Variants in FAM114A2 observed in about 807,000 individuals in gnomAD.
FAM114A2 encodes the protein family with sequence similarity 114 member A2, also known as protein FAM114A2.
Under a neutral mutation model 58.4 loss-of-function variants are expected in FAM114A2, and 53 were observed. The observed-to-expected ratio is 0.91, with a 90% CI of 0.73 to 1.14. FAM114A2 has a LOEUF of 1.14. Among genes scored for constraint, FAM114A2 ranks in the 50% most tolerant of loss-of-function variants. The pLI, the probability that FAM114A2 is intolerant of heterozygous loss-of-function variation, is 0.00. For missense variants in FAM114A2, 601 were observed against 581.1 expected (o/e 1.03, Z -0.35); for synonymous variants, 228 against 211.4 (o/e 1.08, Z -0.68).
chr5:153,997,808 C>T lies in FAM114A2; in HGVS notation c.1324G>A (p.Ala442Thr). The T allele has an allele frequency of 6.4e-7, 1 of 1,560,794 alleles. No homozygotes were observed. The highest frequency in any genetic ancestry group is 8.8e-7 in the Non-Finnish European group (1 of 1,131,712). The change falls in exon 12 of 14, where the codon GCT becomes ACT. Residue 442 changes from alanine (A) to threonine (T), a missense_variant. Ala to Thr is a moderately conservative substitution (Grantham distance 58). Coordinates refer to ENST00000351797, the MANE Select transcript of FAM114A2 (RefSeq NM_018691.4). ...SKEFTTCLTTAGVKEMADVLN... is the reference protein window; with the variant it reads ...SKEFTTCLTTTGVKEMADVLN... ...TAAGAGGCATGGATTCTTACCCCAG[C>T]AGTTGTTAGGCAGGTAGTGAACTCT...
At chr5:154,021,936 C>T (rs1771447282) in intron 8 of FAM114A2, among the ~76,000 whole-genome samples, 1 of 152,208 alleles carries the variant, frequency 6.6e-6, no homozygotes, top group African/African-American at 2.4e-5. Flanking sequence ...GTACTGGTAC[C>T]AAACGGGAAA....
chr5:154,001,405 G>A (rs1769961714), intron 11 of FAM114A2, among the ~76,000 whole-genome samples: 1 of 152,174 alleles, frequency 6.6e-6, no homozygotes, highest in African/African-American at 2.4e-5. Flanking sequence ...CCAAGTAGCA[G>A]AAATAGCCTC....
At chr5:154,015,914 G>T (rs571377520) in intron 8 of FAM114A2, among the ~76,000 whole-genome samples, 1 of 152,060 alleles carries the variant, frequency 6.6e-6, no homozygotes, top group Non-Finnish European at 1.5e-5. Context: ...GACAGAGATA[G>T]CATAAATAAA....
At chr5:154,019,472 A>G (rs900384544) in intron 8 of FAM114A2, among the ~76,000 whole-genome samples, 65 of 152,222 alleles carry the variant, frequency 4.3e-4, no homozygotes, top group African/African-American at 1.5e-3. Flanking sequence ...GCAATCTACA[A>G]ATTCAACACT....
At chr5:153,996,783 G>A (rs1769587383) in intron 12 of FAM114A2, among the ~76,000 whole-genome samples, 1 of 151,934 alleles carries the variant, frequency 6.6e-6, no homozygotes, top group African/African-American at 2.4e-5. Context: ...GATCACCTAA[G>A]GTCGGGAGTT....
intron 8 of FAM114A2, among the ~76,000 whole-genome samples, chr5:154,017,852 A>T (rs1278880780): frequency 6.6e-6 from 1 of 152,238 alleles, no homozygotes; most frequent in Non-Finnish European, 1.5e-5. Flanking sequence ...TGAAATCAAG[A>T]TGGAAATTAA....
chr5:154,009,160 G>C (rs1293950607), intron 9 of FAM114A2, among the ~76,000 whole-genome samples: 3 of 152,144 alleles, frequency 2.0e-5, no homozygotes, highest in Non-Finnish European at 1.5e-5. Flanking sequence ...AATGAATCAT[G>C]CTTTCTCAAA....
intron 9 of FAM114A2, among the ~76,000 whole-genome samples, chr5:154,010,160 C>T (rs1289666013): frequency 1.3e-5 from 2 of 152,108 alleles, no homozygotes; most frequent in Non-Finnish European, 2.9e-5. Flanking sequence ...TATATGTATA[C>T]ATGTATTTAC....
rs34907432 is a variant in FAM114A2, at chr5:154,034,985, C to CAA, written c.-14-20_-14-19dup. The CAA allele has an allele frequency of 1.2e-4, 170 of 1,438,392 alleles. No individual in the cohort carries two copies. Among genetic ancestry groups the CAA allele is most frequent in the Middle Eastern group, 1.8e-4 (1 of 5,614 alleles). The allele number at this position is 1,438,392 out of a possible 1,614,324, so 89.1% of individuals were successfully genotyped here. A position where few individuals can be genotyped will look rare whatever the true frequency, so the allele number is the denominator to read the frequency against. ...AACATCAGCTGGTAAAATGAAAGCC[C>CAA]AAAAAAAATTTATATAGGCTTCTTT... On this transcript the variant is annotated intron_variant, in intron 1 of 13. Coordinates refer to ENST00000351797, the MANE Select transcript of FAM114A2 (RefSeq NM_018691.4).
At chr5:154,021,181 G>T (rs1196715170) in intron 8 of FAM114A2, among the ~76,000 whole-genome samples, 3 of 152,156 alleles carry the variant, frequency 2.0e-5, no homozygotes, top group Admixed American at 6.5e-5. Flanking sequence ...CAAACCCACA[G>T]CCAGTATCAT....
At chr5:154,030,440 A>G (rs1209272774) in intron 4 of FAM114A2, among the ~76,000 whole-genome samples, 1 of 152,210 alleles carries the variant, frequency 6.6e-6, no homozygotes, top group Non-Finnish European at 1.5e-5. Flanking sequence ...GAAAAACTGG[A>G]CAATATATAA....
intron 8 of FAM114A2, among the ~76,000 whole-genome samples, chr5:154,019,593 G>C (rs1036827111): frequency 2.0e-5 from 3 of 152,082 alleles, no homozygotes; most frequent in African/African-American, 7.2e-5. Flanking sequence ...TAAGCAAAAA[G>C]AATAAATCTG....
intron 9 of FAM114A2, among the ~76,000 whole-genome samples, chr5:154,010,161 A>G (rs578204483): frequency 6.6e-6 from 1 of 152,366 alleles, no homozygotes; most frequent in East Asian, 1.9e-4. Context: ...ATATGTATAC[A>G]TGTATTTACA....
At chr5:153,998,824 AAGGC>A (rs1328885335) in intron 11 of FAM114A2, among the ~76,000 whole-genome samples, 3 of 152,230 alleles carry the variant, frequency 2.0e-5, no homozygotes, top group Non-Finnish European at 2.9e-5. Flanking sequence ...TAAATGGGCT[AAGGC>A]AGACCCAAAG....
intron 6 of FAM114A2, chr5:154,027,658 G>A (rs1338689891): frequency 1.0e-5 from 2 of 199,698 alleles, no homozygotes; most frequent in Non-Finnish European, 2.0e-5. Flanking sequence ...ACGCCACCAC[G>A]TCCAGCTAAT....
intron 4 of FAM114A2, among the ~76,000 whole-genome samples, chr5:154,031,701 C>G (rs962587257): frequency 1.3e-5 from 2 of 152,182 alleles, no homozygotes; most frequent in African/African-American, 4.8e-5. Context: ...AATAATAAAC[C>G]TAATCCTCTT....
At chr5:153,996,032 T>C (rs948086363) in intron 12 of FAM114A2, among the ~76,000 whole-genome samples, 1 of 152,112 alleles carries the variant, frequency 6.6e-6, no homozygotes, top group Non-Finnish European at 1.5e-5. Context: ...TAATTAGAAT[T>C]AGACATAGAC....
intron 8 of FAM114A2, among the ~76,000 whole-genome samples, chr5:154,018,879 A>G (rs1006554204): frequency 3.3e-5 from 5 of 152,202 alleles, no homozygotes; most frequent in African/African-American, 1.2e-4. Flanking sequence ...AAAACTCTCA[A>G]CAAAATCAGC....
At chr5:154,014,105 T>C (rs1043114114) in intron 8 of FAM114A2, among the ~76,000 whole-genome samples, 5 of 152,212 alleles carry the variant, frequency 3.3e-5, no homozygotes, top group African/African-American at 1.2e-4. Flanking sequence ...CTTCTCAATA[T>C]CTCAAGGCAG....
Sources: gnomAD v4.1 joint callset for allele counts (sites outside exome capture counted in the v4.1 genomes callset) on GRCh38, gnomAD v4.1.1 for gene constraint, MANE v1.5 for transcripts, NCBI Gene and HGNC (gene_info 2026-07-23, HGNC 2026-07-21) for gene names.